MED24: variants seen among roughly 807,000 people sequenced by gnomAD.
MED24 encodes the protein mediator of RNA polymerase II transcription subunit 24.
Under a neutral mutation model 118.8 loss-of-function variants are expected in MED24, and 74 were observed. The observed-to-expected ratio is 0.62, with a 90% CI of 0.52 to 0.76. MED24 has a LOEUF of 0.76. MED24 is among the 30% of genes least tolerant of loss of function. The pLI is 0.00. For synonymous variants in MED24, 521 were observed against 523.9 expected (o/e 0.99, Z 0.08); for missense variants, 1,041 against 1,278.9 (o/e 0.81, Z 2.84).
chr17:40,042,673 C>T (rs777013298), intron 3 of MED24, among the ~76,000 whole-genome samples: 1 of 151,724 alleles, frequency 6.6e-6, no homozygotes, highest in Non-Finnish European at 1.5e-5. Context: ...AGTGATACTC[C>T]GTCTCAAAAA....
rs1372304720 is a variant in MED24 at position 40,032,047 on chromosome 17, T to C, written c.980A>G (p.Asp327Gly). The change falls in exon 10 of 26, where the codon GAC becomes GGC. Residue 327 changes from aspartate to glycine, a missense_variant. By Grantham distance (94) the Asp-to-Gly change is moderately conservative (BLOSUM62 -1). Transcript: ENST00000394128. ...CCATCTCAATCCCCAACTCACCTTGTCTCCATGAGAGTACTTCTTCAACTT... is the reference window on the plus strand; with the variant it reads ...CCATCTCAATCCCCAACTCACCTTGCCTCCATGAGAGTACTTCTTCAACTT... The part of the protein sequence containing the change: ...LVKLKKYSHG[D>G]KDFTEDVNCA... 1.2e-6 allele frequency: 2 copies of C among 1,613,472 alleles called. No homozygotes were observed. Among genetic ancestry groups the C allele is most frequent in the African/African-American group, 2.7e-5 (2 of 74,852 alleles).
chr17:40,052,387 T>C (rs1174708991), intron 3 of MED24, among the ~76,000 whole-genome samples: 1 of 152,222 alleles, frequency 6.6e-6, no homozygotes, highest in African/African-American at 2.4e-5. Context: ...CCATTGTAAG[T>C]TGAGGAGCAT....
rs1327525094 is a variant in MED24 at position 40,028,860 on chromosome 17, C to T, written c.1375G>A (p.Gly459Arg). Reference protein sequence around the residue: ...DLLLAAAAATGKLKSFARKFI... With the variant: ...DLLLAAAAATRKLKSFARKFI... ...TTCCGGGCGAAGGATTTCAGCTTTC[C>T]AGTGGCGGCGGCGGCAGCCAGCAGC... Residue 459 changes from glycine (G) to arginine (R), a missense_variant, in exon 14 of 26, where the codon GGA (glycine) becomes AGA (arginine). This residue lies in a region of MED24 where 587 missense variants were observed against 694.4 expected (regional missense o/e 0.85). Coordinates refer to ENST00000394128, the MANE Select transcript of MED24 (RefSeq NM_014815.4). The T allele has an allele frequency of 2.5e-6, 4 of 1,613,948 alleles. No homozygotes were observed. Among genetic ancestry groups the T allele is most frequent in the Non-Finnish European group, 3.4e-6 (4 of 1,179,958 alleles).
intron 3 of MED24, among the ~76,000 whole-genome samples, chr17:40,042,179 T>C (rs891257472): frequency 2.6e-5 from 4 of 152,196 alleles, no homozygotes; most frequent in Non-Finnish European, 4.4e-5. Context: ...ATGTCCCTAA[T>C]TAATCTACAA....
intron 3 of MED24, among the ~76,000 whole-genome samples, chr17:40,046,599 A>G (rs1985241000): frequency 6.7e-6 from 1 of 149,812 alleles, no homozygotes; most frequent in South Asian, 2.1e-4. Flanking sequence ...ACAAAAAATT[A>G]GCCGGGCGTA....
At chr17:40,025,104 T>C (rs1276251845) in intron 19 of MED24, among the ~76,000 whole-genome samples, 7 of 152,184 alleles carry the variant, frequency 4.6e-5, no homozygotes, top group African/African-American at 1.7e-4. Flanking sequence ...TGGATGAGCT[T>C]TGAGGACACC....
chr17:40,029,661 G>T, intron 13 of MED24, 87 bp downstream of exon 13: 2 of 1,243,578 alleles, frequency 1.6e-6, no homozygotes, highest in Non-Finnish European at 2.3e-6. Context: ...ACAGAGGTCT[G>T]TGGCCTCTGT....
chr17:40,048,411 ATAT>A (rs1473809869), intron 3 of MED24, among the ~76,000 whole-genome samples: 2 of 152,204 alleles, frequency 1.3e-5, no homozygotes, highest in Non-Finnish European at 2.9e-5. Flanking sequence ...TGAGAATATG[ATAT>A]TATTAAATGC....
chr17:40,036,059 G>A (rs1021133026), intron 4 of MED24, 57 bp downstream of exon 4: 14 of 1,548,908 alleles, frequency 9.0e-6, no homozygotes, highest in East Asian at 4.5e-5. Context: ...GGGCCGTCAA[G>A]GAGGCGGGGC....
chr17:40,048,914 T>C (rs536809367), intron 3 of MED24, among the ~76,000 whole-genome samples: 12 of 152,300 alleles, frequency 7.9e-5, no homozygotes, highest in African/African-American at 2.6e-4. Context: ...TGAGTAACCA[T>C]GGCCCTTCAG....
At chr17:40,028,110 TTTTG>T (rs1201666602) in intron 14 of MED24, 164 bp from the exon 15 acceptor site, 7 of 725,812 alleles carry the variant, frequency 9.6e-6, no homozygotes, top group Admixed American at 2.8e-5. Context: ...GGTTTTTGTT[TTTTG>T]TTTTTTTTTT....
intron 3 of MED24, among the ~76,000 whole-genome samples, chr17:40,040,706 C>T (rs1172230087): frequency 1.3e-5 from 2 of 151,804 alleles, no homozygotes; most frequent in East Asian, 3.9e-4. Context: ...GCAACCTCCA[C>T]CTCCCAGGTT....
chr17:40,029,187 G>A (rs940194999), intron 13 of MED24, among the ~76,000 whole-genome samples: 2 of 152,120 alleles, frequency 1.3e-5, no homozygotes, highest in African/African-American at 2.4e-5. Flanking sequence ...GCAAGGTCAC[G>A]GCTAGGATCT....
In MED24 at chr17:40,020,229, G is replaced by A. The variant is rs151165744; in HGVS notation, c.2704+44C>T. 9.1e-3 allele frequency: 13,357 copies of A among 1,460,574 alleles called. 71 individuals are homozygous for A. Among genetic ancestry groups the A allele is most frequent in the Non-Finnish European group, 0.01 (11,211 of 1,095,024 alleles). The allele number at this position is 1,460,574 out of a possible 1,614,324, so 90.5% of individuals were successfully genotyped here. ...CCAGCCTCCATGAGAAGAGAGACTC[G>A]TCCAGCTTAGCCCCAGGTTCGGCAG... On this transcript the variant is annotated intron_variant, in intron 24 of 25. Transcript: ENST00000394128.
Position 40,023,127 on chromosome 17 carries a change from G to A in MED24, c.2250+4C>T. 1 of 1,611,008 alleles carries A rather than the reference G, an allele frequency of 6.2e-7. No homozygotes were observed. Among genetic ancestry groups the A allele is most frequent in the Non-Finnish European group, 8.5e-7 (1 of 1,177,726 alleles). On this transcript the variant is annotated splice_donor_region_variant and intron_variant, in intron 20 of 25. Coordinates refer to ENST00000394128, the MANE Select transcript of MED24 (RefSeq NM_014815.4). ...TCGGCCCACAGCCACTCCAGCCCAA[G>A]TACCTTAATCAGGTTGTTGCAGAAC... is the stretch of plus-strand genomic sequence containing the variant.
At chr17:40,039,765 C>T (rs2144943421) in intron 3 of MED24, among the ~76,000 whole-genome samples, 1 of 150,742 alleles carries the variant, frequency 6.6e-6, no homozygotes, top group South Asian at 2.1e-4. Context: ...ACTACAGGTG[C>T]ACACCACCAT....
intron 3 of MED24, among the ~76,000 whole-genome samples, chr17:40,041,311 C>T (rs780665046): frequency 6.6e-6 from 1 of 152,308 alleles, no homozygotes; most frequent in South Asian, 2.1e-4. Flanking sequence ...CTTCCCTACT[C>T]TCTGGCCCCT....
At chr17:40,050,875 G>A (rs1396434856) in intron 3 of MED24, among the ~76,000 whole-genome samples, 1 of 152,192 alleles carries the variant, frequency 6.6e-6, no homozygotes, top group African/African-American at 2.4e-5. Flanking sequence ...GGTGGCTCAC[G>A]CCTATAATCC....
intron 3 of MED24, among the ~76,000 whole-genome samples, chr17:40,036,686 C>CAAAA (rs68118020): frequency 3.3e-5 from 3 of 91,388 alleles, no homozygotes; most frequent in Admixed American, 1.2e-4. Context: ...GACTCTGTCT[C>CAAAA]AAAAAAAAAA....
Sources: allele counts gnomAD v4.1 joint callset (sites outside exome capture counted in the v4.1 genomes callset), GRCh38; gene constraint gnomAD v4.1.1; regional missense constraint gnomAD v4.1.1; transcripts MANE v1.5; gene names NCBI Gene and HGNC (gene_info 2026-07-23, HGNC 2026-07-21).